Variants in MBP observed in about 807,000 individuals in gnomAD.
The protein encoded by MBP is myelin basic protein, also known as Golli-MBP.
MBP carries 16 observed loss-of-function variants against 35.8 expected under a neutral mutation model. The observed-to-expected ratio is 0.45, with a 90% confidence interval of 0.30 to 0.68. The LOEUF is 0.68. MBP is among the 30% of genes least tolerant of loss of function. The pLI is 0.08. For synonymous variants in MBP, 143 were observed against 159.6 expected (o/e 0.90, Z 0.78); for missense variants, 380 against 404.7 (o/e 0.94, Z 0.52).
chr18:77,125,748 TTTTTTGTATCAAAAC>T (rs989606883), intron 1 of MBP, among the ~76,000 whole-genome samples: 4 of 152,284 alleles, frequency 2.6e-5, no homozygotes, highest in African/African-American at 9.6e-5. Context: ...TCCCTCCTTT[TTTTTTGTATCAAAAC>T]TTTTACTCGA....
chr18:77,032,096 G>A (rs982409561), intron 3 of MBP, among the ~76,000 whole-genome samples: 1 of 152,244 alleles, frequency 6.6e-6, no homozygotes, highest in Non-Finnish European at 1.5e-5. Flanking sequence ...GGCGCCGGGG[G>A]CACGCAGGGC....
intron 4 of MBP, chr18:77,016,221 A>G: frequency 1.0e-6 from 1 of 984,514 alleles, no homozygotes; most frequent in Non-Finnish European, 1.2e-6. Context: ...AAGACTCTGT[A>G]TGCAAATTAA....
intron 4 of MBP, among the ~76,000 whole-genome samples, chr18:77,008,872 G>A (rs1212172490): frequency 9.8e-5 from 15 of 152,334 alleles, no homozygotes; most frequent in Admixed American, 3.9e-4. Context: ...ATCCGCAGGC[G>A]TCCTGTCCCC....
chr18:77,128,978 C>T (rs897843089), intron 1 of MBP, among the ~76,000 whole-genome samples: 4 of 152,044 alleles, frequency 2.6e-5, no homozygotes, highest in African/African-American at 9.7e-5. Flanking sequence ...TTTCCAGTAC[C>T]GTAAAGGTAA....
chr18:77,123,436 C>G (rs1976948768), intron 1 of MBP, among the ~76,000 whole-genome samples: 1 of 152,222 alleles, frequency 6.6e-6, no homozygotes, highest in Non-Finnish European at 1.5e-5. Context: ...AAAGGACTTC[C>G]TGATCACATG....
At chr18:77,046,901 C>G (rs1439885791) in intron 3 of MBP, among the ~76,000 whole-genome samples, 1 of 152,128 alleles carries the variant, frequency 6.6e-6, no homozygotes, top group African/African-American at 2.4e-5. Context: ...GTGACTGTCA[C>G]CATCGGGAGG....
At chr18:77,051,013 A>G (rs1359422194) in intron 3 of MBP, among the ~76,000 whole-genome samples, 1 of 152,142 alleles carries the variant, frequency 6.6e-6, no homozygotes, top group African/African-American at 2.4e-5. Context: ...AGACCCCAGG[A>G]AAAAGAAATG....
intron 3 of MBP, among the ~76,000 whole-genome samples, chr18:77,025,705 C>CCTTTTTTTT (rs1555716189): frequency 7.4e-5 from 8 of 108,832 alleles, no homozygotes; most frequent in African/African-American, 3.3e-4. Context: ...TATTGAAATA[C>CCTTTTTTTT]TTTTTTTTTT....
chr18:77,016,724 C>G, intron 4 of MBP, 108 bp downstream of exon 4: 2 of 1,496,280 alleles, frequency 1.3e-6, no homozygotes, highest in Non-Finnish European at 1.8e-6. Context: ...AGACCTTAGA[C>G]AGCAAGAGGC....
At chr18:77,089,332 T>C (rs1458353435) in intron 2 of MBP, among the ~76,000 whole-genome samples, 1 of 152,220 alleles carries the variant, frequency 6.6e-6, no homozygotes, top group African/African-American at 2.4e-5. Context: ...AGGGCAGGAA[T>C]TCCTGCCTCA....
At chr18:77,038,551 G>A (rs1972864146) in intron 3 of MBP, among the ~76,000 whole-genome samples, 1 of 152,206 alleles carries the variant, frequency 6.6e-6, no homozygotes, top group African/African-American at 2.4e-5. Flanking sequence ...GGGAATGACA[G>A]GAGCCCAAGC....
intron 3 of MBP, among the ~76,000 whole-genome samples, chr18:77,049,737 T>C (rs1333496420): frequency 2.0e-5 from 3 of 152,148 alleles, no homozygotes; most frequent in Admixed American, 6.5e-5. Context: ...ATGGAGTGTG[T>C]GGTGCAATCT....
intron 3 of MBP, among the ~76,000 whole-genome samples, chr18:77,032,314 A>G (rs1195643798): frequency 2.0e-5 from 3 of 152,240 alleles, no homozygotes; most frequent in Non-Finnish European, 2.9e-5. Context: ...TTCTGCATCT[A>G]TGAGAGGCAT....
Position 76,988,900 on chromosome 18 carries a change from T to C in MBP, c.694A>G (p.Thr232Ala), listed in dbSNP as rs202210663. 6.3e-5 allele frequency: 102 copies of C among 1,613,926 alleles called. 1 individual carries two copies. The highest frequency in any genetic ancestry group is 1.4e-5 in the Non-Finnish European group (16 of 1,179,906). Reference sequence around the variant, plus strand: ...ACCTTTCCCTGCGACGGGGGTGGTGTGCGAGGCGTCACCTGGAAAGACACA... The same window carrying C: ...ACCTTTCCCTGCGACGGGGGTGGTGCGCGAGGCGTCACCTGGAAAGACACA... Reference protein sequence around the residue: ...HFFKNIVTPRTPPPSQGKGRG... With the variant: ...HFFKNIVTPRAPPPSQGKGRG... Residue 232 changes from threonine (T) to alanine (A), a missense_variant, in exon 6 of 9, where the codon ACA (threonine) becomes GCA (alanine). Transcript: ENST00000355994. This position sits in a 1 kb window ranked among gnomAD's most constrained non-coding sequence, Gnocchi z 5.2.
intron 1 of MBP, among the ~76,000 whole-genome samples, chr18:77,119,932 G>A (rs1220041719): frequency 1.3e-5 from 2 of 152,198 alleles, no homozygotes; most frequent in African/African-American, 4.8e-5. Context: ...GGGCAGCCAC[G>A]GGAGAGGCCT....
At chr18:77,062,164 C>T (rs979073247) in intron 3 of MBP, among the ~76,000 whole-genome samples, 1 of 152,198 alleles carries the variant, frequency 6.6e-6, no homozygotes, top group Non-Finnish European at 1.5e-5. Context: ...CTTTTGGCCA[C>T]TCCTCTCCTC....
At chr18:77,001,480 C>T (rs193029448) in intron 4 of MBP, among the ~76,000 whole-genome samples, 99 of 152,342 alleles carry the variant, frequency 6.5e-4, no homozygotes, top group Admixed American at 2.7e-3. Context: ...GGTCTCTACT[C>T]CTATTTCACA....
chr18:77,029,336 G>A (rs1335445440), intron 3 of MBP, among the ~76,000 whole-genome samples: 1 of 149,772 alleles, frequency 6.7e-6, no homozygotes, highest in Non-Finnish European at 1.5e-5. Context: ...AGGCAGGGGG[G>A]TTGCAGTGAG....
intron 3 of MBP, among the ~76,000 whole-genome samples, chr18:77,062,572 A>C (rs1181921359): frequency 6.6e-6 from 1 of 152,082 alleles, no homozygotes; most frequent in African/African-American, 2.4e-5. Flanking sequence ...TTATTTACTT[A>C]GATTGAAAAC....
Sources: allele counts gnomAD v4.1 joint callset (sites outside exome capture counted in the v4.1 genomes callset), GRCh38; gene constraint gnomAD v4.1.1; non-coding constraint Gnocchi (gnomAD v3.1); transcripts MANE v1.5; gene names NCBI Gene and HGNC (gene_info 2026-07-23, HGNC 2026-07-21).